Variants in HSP90AB1 observed in about 807,000 individuals in gnomAD.
HSP90AB1 encodes the protein heat shock protein HSP 90-beta.
Under a neutral mutation model 67.8 loss-of-function variants are expected in HSP90AB1, and 17 were observed. That is an observed-to-expected ratio of 0.25 (90% CI 0.17 to 0.38). The LOEUF is 0.38. HSP90AB1 is among the 10% of genes least tolerant of loss of function. The pLI, the probability that HSP90AB1 is intolerant of heterozygous loss-of-function variation, is 1.00. For missense variants in HSP90AB1, 690 were observed against 899.9 expected (o/e 0.77, Z 2.98); for synonymous variants, 390 against 312.9 (o/e 1.25, Z -2.60).
chr6:44,249,855 C>T, intron 4 of HSP90AB1, 21 bp downstream of exon 4: 2 of 1,599,950 alleles, frequency 1.3e-6, no homozygotes, highest in Non-Finnish European at 8.5e-7. Flanking sequence ...TTTTCTGTTA[C>T]AAGGTAGTTG....
In HSP90AB1 at chr6:44,251,622, T is replaced by C; in HGVS notation, c.1314+14T>C. ...AAAAATCTCAAGGTAAAAAGGCAAA[T>C]AATGCTTATTCCCTTTACCACTTTC... is the stretch of plus-strand genomic sequence containing the variant. On this transcript the variant is annotated intron_variant, in intron 8 of 11. Transcript: ENST00000371646. 1 of 1,595,932 alleles carries C rather than the reference T, an allele frequency of 6.3e-7. No individual in the cohort carries two copies. The highest frequency in any genetic ancestry group is 1.1e-5 in the South Asian group (1 of 89,678).
In HSP90AB1 at chr6:44,248,616, G is replaced by A. The variant is rs758973904; in HGVS notation, c.1-14G>A. 1.1e-5 allele frequency: 17 copies of A among 1,596,880 alleles called. No homozygotes were observed. The highest frequency in any genetic ancestry group is 2.7e-5 in the African/African-American group (2 of 73,442). On this transcript the variant is annotated splice_polypyrimidine_tract_variant and intron_variant, in intron 1 of 11. Transcript: ENST00000371646. ...CTTAGTGTTCTTTTGTAATTAATGA[G>A]ATTTTTATTTTAGATGCCTGAGGAA...
chr6:44,250,649 T>C, intron 6 of HSP90AB1, 50 bp downstream of exon 6: 1 of 931,486 alleles, frequency 1.1e-6, no homozygotes, highest in Non-Finnish European at 1.7e-6. Context: ...TGGAGAGGAA[T>C]GAGTTAGGTG....
Position 44,249,853 on chromosome 6 carries a change from T to TA in HSP90AB1, c.514+20dup. The TA allele has an allele frequency of 6.2e-7, 1 of 1,600,828 alleles. No homozygotes were observed. On this transcript the variant is annotated intron_variant, in intron 4 of 11. Coordinates refer to ENST00000371646, the MANE Select transcript of HSP90AB1 (RefSeq NM_007355.4). Reference sequence around the variant, plus strand: ...GACCATGGTAAGTTAGCTTTTCTGTTACAAGGTAGTTGGGTTAGGATTTTC... The same window carrying TA: ...GACCATGGTAAGTTAGCTTTTCTGTTAACAAGGTAGTTGGGTTAGGATTTTC...
Position 44,251,216 on chromosome 6 carries a change from G to A in HSP90AB1, c.1123+3G>A. On this transcript the variant is annotated splice_donor_region_variant and intron_variant, in intron 7 of 11. Coordinates refer to ENST00000371646, the MANE Select transcript of HSP90AB1 (RefSeq NM_007355.4). ...TGAGTTGATACCAGAGTATCTCAGT[G>A]AGTATCTCCTTGGCCTAATTTAGTT... is the stretch of plus-strand genomic sequence containing the variant. 1.2e-6 allele frequency: 2 copies of A among 1,614,016 alleles called. No individual in the cohort carries two copies. The highest frequency in any genetic ancestry group is 8.5e-7 in the Non-Finnish European group (1 of 1,179,868).
chr6:44,247,417 C>T (rs34220374), intron 1 of HSP90AB1, among the ~76,000 whole-genome samples: 1 of 152,034 alleles, frequency 6.6e-6, no homozygotes, highest in Non-Finnish European at 1.5e-5. Flanking sequence ...TCGGCGCCTG[C>T]TGGCCGTAGC....
At chr6:44,246,737 G>A (rs1779944074), upstream of HSP90AB1, among the ~76,000 whole-genome samples, 1 of 152,156 alleles carries the variant, frequency 6.6e-6, no homozygotes, top group Admixed American at 6.5e-5. Flanking sequence ...CTCTTTTTCG[G>A]TGTCCCCCCC....
At position 44,251,584 on chromosome 6, in the gene HSP90AB1, T is replaced by C. The variant is rs1352313497; in HGVS notation, c.1290T>C (p.Tyr430=). The change falls in exon 8 of 12, where the codon TAT becomes TAC. Residue 430 remains tyrosine, a synonymous_variant. Coordinates refer to ENST00000371646, the MANE Select transcript of HSP90AB1 (RefSeq NM_007355.4). ...ACAAGGAGAATTACAAGAAATTCTA[T>C]GAGGCATTCTCTAAAAATCTCAAGG... ...AEDKENYKKF[Y]EAFSKNLKLG... 12 of 1,605,706 alleles carry C rather than the reference T, an allele frequency of 7.5e-6. No individual in the cohort carries two copies. The highest frequency in any genetic ancestry group is 1.0e-5 in the Non-Finnish European group (12 of 1,174,660).
chr6:44,250,271 C>T lies in HSP90AB1; in HGVS notation c.649-20C>T, dbSNP rs774067487. 8.7e-6 allele frequency: 14 copies of T among 1,611,950 alleles called. No homozygotes were observed. In the East Asian group the frequency reaches 3.1e-4, roughly 36 times the overall value. The stretch of plus-strand genomic sequence containing the variant: ...GTAGTGTTTTGTACTCCAAGGCTAA[C>T]TTCTGTTTTTGTTACTTAGTTGGAG... On this transcript the variant is annotated intron_variant, in intron 5 of 11. Transcript: ENST00000371646.
upstream of HSP90AB1, among the ~76,000 whole-genome samples, chr6:44,246,711 T>G (rs1213919684): frequency 1.3e-5 from 2 of 152,100 alleles, no homozygotes; most frequent in Admixed American, 1.3e-4. Context: ...GTGGTCCGCG[T>G]GGTTAGCTGC....
intron 1 of HSP90AB1, chr6:44,247,762 C>A (rs1054478858): frequency 6.6e-6 from 1 of 152,204 alleles, no homozygotes; most frequent in Non-Finnish European, 1.5e-5. Flanking sequence ...GGAGGAGGGG[C>A]GGGGAGGGGA....
Position 44,253,546 on chromosome 6 carries a change from T to TCCC in HSP90AB1, c.2127_2129dup (p.Pro710dup). On this transcript the variant is annotated inframe_insertion, in exon 12 of 12. Transcript: ENST00000371646. Reference sequence around the variant, plus strand: ...CCCAATGCTGCAGTTCCTGATGAGATCCCCCCTCTCGAGGGCGATGAGGAT... The same window carrying TCCC: ...CCCAATGCTGCAGTTCCTGATGAGATCCCCCCCCCTCTCGAGGGCGATGAGGAT... 6.8e-6 allele frequency: 11 copies of TCCC among 1,614,036 alleles called. No individual in the cohort carries two copies. The highest frequency in any genetic ancestry group is 9.3e-6 in the Non-Finnish European group (11 of 1,179,980).
At chr6:44,249,981 A>T in intron 4 of HSP90AB1, 40 bp from the exon 5 acceptor site, 1 of 1,612,740 alleles carries the variant, frequency 6.2e-7, no homozygotes, top group Non-Finnish European at 8.5e-7. Context: ...AACTGCATAT[A>T]CTTTTTACCC....
At chr6:44,247,569 G>A (rs1246666206) in intron 1 of HSP90AB1, among the ~76,000 whole-genome samples, 3 of 152,210 alleles carry the variant, frequency 2.0e-5, no homozygotes, top group Non-Finnish European at 4.4e-5. Flanking sequence ...TGGCGGGGGT[G>A]CCCGCTCGGG....
intron 10 of HSP90AB1, among the ~76,000 whole-genome samples, 161 bp from the exon 11 acceptor site, chr6:44,252,884 C>G (rs187350907): frequency 3.3e-5 from 5 of 152,052 alleles, no homozygotes; most frequent in African/African-American, 7.2e-5. Flanking sequence ...CTACCACACC[C>G]GGTTAATTTT....
chr6:44,253,157 C>T lies in HSP90AB1; in HGVS notation c.1844C>T (p.Ser615Phe). 6.2e-7 allele frequency: 1 copy of T among 1,614,192 alleles called. No homozygotes were observed. Among genetic ancestry groups the T allele is most frequent in the Non-Finnish European group, 8.5e-7 (1 of 1,180,018 alleles). Residue 615 changes from serine to phenylalanine, a missense_variant, in exon 11 of 12, where the codon TCC (serine) becomes TTC (phenylalanine). By Grantham distance (155) the Ser-to-Phe change is radical. This residue lies in a region of HSP90AB1 where 120 missense variants were observed against 153.5 expected (regional missense o/e 0.78). Transcript: ENST00000371646. ...AAAGCCCAGGCACTTCGGGACAACTCCACCATGGGCTATATGATGGCCAAA... is the reference window on the plus strand; with the variant it reads ...AAAGCCCAGGCACTTCGGGACAACTTCACCATGGGCTATATGATGGCCAAA... The part of the protein sequence containing the change: ...IMKAQALRDN[S>F]TMGYMMAKKH...
In HSP90AB1 at chr6:44,250,141, C is replaced by T; in HGVS notation, c.635C>T (p.Pro212Leu). ...AAGCATTCTCAGTTCATAGGCTATC[C>T]CATCACCCTTTATGTGAGTATGGAC... ...VKKHSQFIGYPITLYLEKERE... is the reference protein window; with the variant it reads ...VKKHSQFIGYLITLYLEKERE... Residue 212 changes from proline to leucine, a missense_variant, in exon 5 of 12, where the codon CCC becomes CTC. Pro to Leu is a moderately conservative substitution (Grantham distance 98). Coordinates refer to ENST00000371646, the MANE Select transcript of HSP90AB1 (RefSeq NM_007355.4). The T allele has an allele frequency of 6.2e-7, 1 of 1,614,192 alleles. No individual in the cohort carries two copies. The highest frequency in any genetic ancestry group is 1.1e-5 in the South Asian group (1 of 91,086).
chr6:44,248,496 C>T (rs1240783181), intron 1 of HSP90AB1, 134 bp from the exon 2 acceptor site: 23 of 682,660 alleles, frequency 3.4e-5, no homozygotes, highest in South Asian at 3.0e-4. Context: ...CATTTTTAGT[C>T]TTGGGAAGGG....
upstream of HSP90AB1, among the ~76,000 whole-genome samples, chr6:44,246,496 A>C (rs1039948311): frequency 6.6e-6 from 1 of 151,384 alleles, no homozygotes; most frequent in Non-Finnish European, 1.5e-5. Context: ...CTTCCGCCGC[A>C]TGTCGGCAAA....
Sources: allele counts gnomAD v4.1 joint callset (sites outside exome capture counted in the v4.1 genomes callset), GRCh38; gene constraint gnomAD v4.1.1; regional missense constraint gnomAD v4.1.1; transcripts MANE v1.5; gene names NCBI Gene and HGNC (gene_info 2026-07-23, HGNC 2026-07-21).